KDM4C: variants seen among roughly 807,000 people sequenced by gnomAD.
KDM4C encodes the protein lysine-specific demethylase 4C.
A neutral mutation model predicts 129.3 loss-of-function variants in KDM4C; 81 were observed. The ratio of observed to expected loss-of-function variants is 0.63; its 90% CI spans 0.52 to 0.75. KDM4C has a LOEUF of 0.75. Ranked by LOEUF, KDM4C falls within the 30% of genes least tolerant of loss-of-function variation. The pLI, the probability that KDM4C is intolerant of heterozygous loss-of-function variation, is 0.00. For synonymous variants in KDM4C, 573 were observed against 456.1 expected (o/e 1.26, Z -3.26); for missense variants, 1,457 against 1,304.0 (o/e 1.12, Z -1.81).
At chr9:6,927,612 C>T (rs539762532) in intron 8 of KDM4C, among the ~76,000 whole-genome samples, 78 of 152,278 alleles carry the variant, frequency 5.1e-4, no homozygotes, top group Non-Finnish European at 7.5e-4. Context: ...CCCTCATCTA[C>T]GTAGAGGCTT....
In KDM4C at chr9:6,758,339, C is replaced by T. The variant is rs1818681615; in HGVS notation, c.-18+136C>T. The T allele has an allele frequency of 7.3e-6, 3 of 409,314 alleles. No individual in the cohort carries two copies. Among genetic ancestry groups the T allele is most frequent in the Non-Finnish European group, 9.9e-6 (3 of 303,100 alleles). The allele number at this position is 409,314 out of a possible 1,614,324, so 25.4% of individuals were successfully genotyped here. The stretch of plus-strand genomic sequence containing the variant: ...CGGCGACGCTGGGGCAGAGACGCTC[C>T]GTCCGTGACTGCAGCGACTGTCAAG... On this transcript the variant is annotated intron_variant, in intron 1 of 21. Coordinates refer to ENST00000381309, the MANE Select transcript of KDM4C (RefSeq NM_015061.6). This position sits in a 1 kb window ranked among gnomAD's most constrained non-coding sequence, Gnocchi z 4.6.
chr9:7,112,516 G>A (rs1341933671), intron 18 of KDM4C, among the ~76,000 whole-genome samples: 1 of 152,182 alleles, frequency 6.6e-6, no homozygotes, highest in Non-Finnish European at 1.5e-5. Context: ...TAAATCAGAT[G>A]TAGTGGGGAA....
chr9:6,998,753 G>T (rs987129795), intron 12 of KDM4C, among the ~76,000 whole-genome samples: 2 of 152,158 alleles, frequency 1.3e-5, no homozygotes, highest in Admixed American at 6.5e-5. Flanking sequence ...CTGAGATCAT[G>T]CTATTGCACT....
chr9:7,047,871 A>G (rs769367074), intron 16 of KDM4C, among the ~76,000 whole-genome samples: 2 of 152,022 alleles, frequency 1.3e-5, no homozygotes, highest in African/African-American at 2.4e-5. Flanking sequence ...ATTTGCTTAC[A>G]TTCCGCCTGG....
chr9:7,058,707 C>G (rs1429836739), intron 17 of KDM4C, among the ~76,000 whole-genome samples: 2 of 152,144 alleles, frequency 1.3e-5, no homozygotes, highest in African/African-American at 4.8e-5. Flanking sequence ...AGTCTGGATT[C>G]TTGAACATGT....
At chr9:7,066,420 G>A (rs1180071801) in intron 17 of KDM4C, among the ~76,000 whole-genome samples, 2 of 152,106 alleles carry the variant, frequency 1.3e-5, no homozygotes, top group South Asian at 2.1e-4. Flanking sequence ...TTTTTCTCAG[G>A]TATTTCTTTA....
Position 7,118,403 on chromosome 9 carries a change from A to G in KDM4C, c.2611-9663A>G, listed in dbSNP as rs186763971. On this transcript the variant is annotated intron_variant, in intron 18 of 21. Coordinates refer to ENST00000381309, the MANE Select transcript of KDM4C (RefSeq NM_015061.6). ...GGATTTAGGTTTTTCTGGGCAGAGG[A>G]TTTTTACCTAGCTCTTGTAATTTAC... Among the ~76,000 whole-genome samples, 29 of 152,250 alleles carry G rather than the reference A, an allele frequency of 1.9e-4. No individual in the cohort carries two copies. The East Asian group carries it at 4.8e-3, about 25-fold the overall frequency.
chr9:7,102,214 C>A (rs746111871), intron 17 of KDM4C, among the ~76,000 whole-genome samples: 2 of 151,436 alleles, frequency 1.3e-5, no homozygotes, highest in African/African-American at 2.4e-5. Flanking sequence ...ACATAAGTAC[C>A]TAATGTATAG....
At chr9:6,990,371 GT>G (rs1818510713) in intron 11 of KDM4C, 44 bp from the exon 12 acceptor site, 1 of 1,129,052 alleles carries the variant, frequency 8.9e-7, no homozygotes, top group Admixed American at 2.0e-5. Context: ...TTTGTAGTTT[GT>G]TTTTGATAAT....
intron 8 of KDM4C, among the ~76,000 whole-genome samples, chr9:6,901,723 A>C (rs142201070): frequency 6.6e-6 from 1 of 152,320 alleles, no homozygotes; most frequent in East Asian, 1.9e-4. Flanking sequence ...AGATGGAAGA[A>C]AGAAGGAAAA....
intron 19 of KDM4C, among the ~76,000 whole-genome samples, chr9:7,160,792 C>T (rs904718324): frequency 5.9e-5 from 9 of 152,168 alleles, no homozygotes; most frequent in African/African-American, 2.2e-4. Context: ...GAGTCAGGGA[C>T]CCACCTGAGG....
intron 4 of KDM4C, among the ~76,000 whole-genome samples, chr9:6,817,764 T>C (rs1425824279): frequency 4.1e-5 from 2 of 48,684 alleles, no homozygotes; most frequent in Admixed American, 3.8e-4. Flanking sequence ...AGGAATAACC[T>C]TTTTTTTTTT....
chr9:6,862,302 A>G (rs1174781797), intron 5 of KDM4C, among the ~76,000 whole-genome samples: 1 of 152,200 alleles, frequency 6.6e-6, no homozygotes, highest in East Asian at 1.9e-4. Context: ...GAAGATTAAC[A>G]TTACTTATGA....
At chr9:6,874,188 A>G (rs1197604450) in intron 5 of KDM4C, among the ~76,000 whole-genome samples, 9 of 152,240 alleles carry the variant, frequency 5.9e-5, no homozygotes, top group Admixed American at 1.3e-4. Flanking sequence ...GCTGTTGGAA[A>G]AATGCCACAG....
At chr9:6,884,447 C>A (rs566692779) in intron 6 of KDM4C, among the ~76,000 whole-genome samples, 2 of 152,258 alleles carry the variant, frequency 1.3e-5, no homozygotes, top group South Asian at 4.1e-4. Context: ...ATTTTCTATA[C>A]CTTTTTCTTG....
chr9:6,790,497 G>GC (rs1826346934), intron 1 of KDM4C, among the ~76,000 whole-genome samples: 1 of 150,424 alleles, frequency 6.6e-6, no homozygotes, highest in African/African-American at 2.4e-5. Context: ...CAACTGATCC[G>GC]CCCGCCTCGG....
intron 1 of KDM4C, among the ~76,000 whole-genome samples, chr9:6,785,332 C>T (rs1825245428): frequency 6.9e-6 from 1 of 145,446 alleles, no homozygotes; most frequent in East Asian, 2.0e-4. Context: ...TGTCTCTTCT[C>T]CTCTTCCTCT....
chr9:6,824,133 TA>T (rs1324742913), intron 4 of KDM4C, among the ~76,000 whole-genome samples: 1 of 152,218 alleles, frequency 6.6e-6, no homozygotes, highest in African/African-American at 2.4e-5. Context: ...GAATATTGGG[TA>T]AAAAAATTAT....
chr9:6,865,911 G>A (rs1238813398), intron 5 of KDM4C, among the ~76,000 whole-genome samples: 1 of 151,826 alleles, frequency 6.6e-6, no homozygotes, highest in Admixed American at 6.6e-5. Context: ...CCACCACCAT[G>A]CCTGGCTAAT....
Sources: allele counts gnomAD v4.1 joint callset (sites outside exome capture counted in the v4.1 genomes callset), GRCh38; gene constraint gnomAD v4.1.1; non-coding constraint Gnocchi (gnomAD v3.1); transcripts MANE v1.5; gene names NCBI Gene and HGNC (gene_info 2026-07-23, HGNC 2026-07-21).